PTER: variants seen among roughly 807,000 people sequenced by gnomAD.
The protein encoded by PTER is N-acetyltaurine hydrolase.
Under a neutral mutation model 29.6 loss-of-function variants are expected in PTER, and 38 were observed. The ratio of observed to expected loss-of-function variants is 1.28; its 90% CI spans 0.99 to 1.68. The LOEUF is 1.68. PTER is among the 40% of genes most tolerant of loss of function. The probability of loss-of-function intolerance (pLI) is 0.00; values close to 1 mark genes in which losing one functional copy is unlikely to be tolerated. For synonymous variants in PTER, 172 were observed against 154.5 expected, an observed-to-expected ratio of 1.11 and a Z score of -0.84; for missense variants, 482 against 427.8, an observed-to-expected ratio of 1.13 and a Z score of -1.12.
intron 3 of PTER, among the ~76,000 whole-genome samples, chr10:16,492,108 A>G (rs1339242207): frequency 6.6e-6 from 1 of 152,166 alleles, no homozygotes; most frequent in Non-Finnish European, 1.5e-5. Flanking sequence ...TGACCTGCTT[A>G]AGGTCATTTA....
chr10:16,495,818 G>T (rs910218665), intron 3 of PTER, among the ~76,000 whole-genome samples: 1 of 152,172 alleles, frequency 6.6e-6, no homozygotes, highest in African/African-American at 2.4e-5. Flanking sequence ...CCTGCATTGT[G>T]GGTCACTTTA....
At chr10:16,496,376 G>A (rs373369932) in intron 3 of PTER, among the ~76,000 whole-genome samples, 2 of 152,036 alleles carry the variant, frequency 1.3e-5, no homozygotes, top group Non-Finnish European at 2.9e-5. Flanking sequence ...CTTATCTCTC[G>A]TTATTCCCAG....
chr10:16,459,850 C>G (rs947795599), intron 1 of PTER, among the ~76,000 whole-genome samples: 1 of 152,130 alleles, frequency 6.6e-6, no homozygotes, highest in Non-Finnish European at 1.5e-5. Context: ...CGGGTTCAAC[C>G]GAGTCTCCTG....
At chr10:16,447,544 T>C (rs115128330) in intron 1 of PTER, among the ~76,000 whole-genome samples, 2,724 of 152,284 alleles carry the variant, frequency 0.018, 88 homozygotes, top group African/African-American at 0.063. Flanking sequence ...TATTACTATA[T>C]AACATAACAA....
At chr10:16,445,136 G>A (rs1263946738) in intron 1 of PTER, among the ~76,000 whole-genome samples, 2 of 152,262 alleles carry the variant, frequency 1.3e-5, no homozygotes, top group East Asian at 3.9e-4. Flanking sequence ...GAAATATATG[G>A]CCTCCTGTGA....
chr10:16,466,856 G>A (rs1405763387), intron 1 of PTER, among the ~76,000 whole-genome samples: 1 of 152,182 alleles, frequency 6.6e-6, no homozygotes, highest in East Asian at 1.9e-4. Context: ...AACGGCCTTA[G>A]CAAGAAATTC....
downstream of PTER, among the ~76,000 whole-genome samples, chr10:16,517,546 C>A (rs1309463770): frequency 2.0e-5 from 3 of 152,074 alleles, no homozygotes; most frequent in Non-Finnish European, 1.5e-5. Context: ...GGATTATCAA[C>A]ATTAAAGAGA....
chr10:16,499,384 G>T (rs1443474401), intron 3 of PTER, among the ~76,000 whole-genome samples: 1 of 151,890 alleles, frequency 6.6e-6, no homozygotes, highest in African/African-American at 2.4e-5. Context: ...TCAATAAGAA[G>T]AATTTAAAGG....
intron 1 of PTER, among the ~76,000 whole-genome samples, chr10:16,480,895 T>C (rs904988251): frequency 2.0e-5 from 3 of 152,242 alleles, no homozygotes; most frequent in Non-Finnish European, 2.9e-5. Context: ...AATACACATA[T>C]TTTAAACATG....
intron 1 of PTER, among the ~76,000 whole-genome samples, chr10:16,482,593 G>A (rs931878996): frequency 1.3e-5 from 2 of 152,080 alleles, no homozygotes; most frequent in Non-Finnish European, 2.9e-5. Context: ...AGGGATATGG[G>A]GGAAATGATG....
At chr10:16,473,124 G>A (rs1009413884) in intron 1 of PTER, among the ~76,000 whole-genome samples, 2 of 151,746 alleles carry the variant, frequency 1.3e-5, no homozygotes, top group Non-Finnish European at 2.9e-5. Context: ...CTTTAATTAA[G>A]GTATAAACTA....
chr10:16,508,009 C>T (rs991753367), intron 4 of PTER, among the ~76,000 whole-genome samples: 2 of 151,910 alleles, frequency 1.3e-5, no homozygotes, highest in African/African-American at 4.8e-5. Context: ...ATCTCAAAAA[C>T]ATGATTTCCT....
At chr10:16,447,239 G>C (rs1367488353) in intron 1 of PTER, among the ~76,000 whole-genome samples, 5 of 150,998 alleles carry the variant, frequency 3.3e-5, no homozygotes, top group African/African-American at 4.9e-5. Flanking sequence ...TAGCTGAGAC[G>C]ACAGGCACAT....
chr10:16,487,150 T>C (rs903503367), intron 3 of PTER, among the ~76,000 whole-genome samples: 4 of 152,202 alleles, frequency 2.6e-5, no homozygotes, highest in African/African-American at 7.2e-5. Context: ...AAGTATAGCA[T>C]GTGTTGGGTA....
At chr10:16,508,163 G>A (rs1362202918) in intron 4 of PTER, among the ~76,000 whole-genome samples, 4 of 147,552 alleles carry the variant, frequency 2.7e-5, no homozygotes, top group African/African-American at 1.0e-4. Context: ...CTGCCTCCCA[G>A]GTTCACGCCA....
intron 1 of PTER, among the ~76,000 whole-genome samples, chr10:16,458,987 TCAGA>T (rs774767067): frequency 6.6e-6 from 1 of 152,060 alleles, no homozygotes; most frequent in African/African-American, 2.4e-5. Context: ...ATATTCAAAA[TCAGA>T]CAGAACAGAT....
rs1218058760 is a variant in PTER at position 16,483,990 on chromosome 10, A to G, written c.-48-347A>G. 2.0e-5 allele frequency among the ~76,000 whole-genome samples: 3 copies of G among 152,320 alleles called. No homozygotes were observed. In the East Asian group the frequency reaches 5.8e-4, roughly 29 times the overall value. On this transcript the variant is annotated intron_variant, in intron 1 of 4. Coordinates refer to ENST00000535784, the MANE Select transcript of PTER (RefSeq NM_001261836.2). ...TGAATACTTTTTTTTAATTACAATT[A>G]CTGTTGATTTATCCAAGAATGCATA...
At chr10:16,463,053 C>T (rs1021040634) in intron 1 of PTER, among the ~76,000 whole-genome samples, 4 of 151,820 alleles carry the variant, frequency 2.6e-5, no homozygotes, top group African/African-American at 9.7e-5. Context: ...ATTAGTCGGG[C>T]TTGACGGCAG....
chr10:16,503,676 G>A (rs921975877), intron 3 of PTER, among the ~76,000 whole-genome samples: 2 of 152,128 alleles, frequency 1.3e-5, no homozygotes, highest in Non-Finnish European at 2.9e-5. Flanking sequence ...AAAGTGCTGG[G>A]ATTACAGGTG....
Sources: gnomAD v4.1 joint callset for allele counts (sites outside exome capture counted in the v4.1 genomes callset) on GRCh38, gnomAD v4.1.1 for gene constraint, MANE v1.5 for transcripts, NCBI Gene and HGNC (gene_info 2026-07-23, HGNC 2026-07-21) for gene names.